ANO6: variants seen among roughly 807,000 people sequenced by gnomAD.
ANO6 encodes the protein anoctamin 6.
Under a neutral mutation model 117.5 loss-of-function variants are expected in ANO6, and 106 were observed. That is an observed-to-expected ratio of 0.90 (90% CI 0.77 to 1.06). The LOEUF (loss-of-function observed/expected upper bound fraction) is 1.06. Among genes scored for constraint, ANO6 ranks in the 50% least tolerant of loss-of-function variants. ANO6 has a pLI of 0.00. For synonymous variants in ANO6, 367 were observed against 385.1 expected (o/e 0.95, Z 0.55); for missense variants, 955 against 1,121.1 (o/e 0.85, Z 2.12).
intron 1 of ANO6, among the ~76,000 whole-genome samples, chr12:45,259,736 G>C (rs922000307): frequency 2.0e-5 from 3 of 152,182 alleles, no homozygotes; most frequent in Non-Finnish European, 4.4e-5. Flanking sequence ...AAACATGATG[G>C]GGTTGAAAGA....
At chr12:45,397,818 T>C (rs757430580) in intron 12 of ANO6, among the ~76,000 whole-genome samples, 5 of 152,046 alleles carry the variant, frequency 3.3e-5, no homozygotes, top group Non-Finnish European at 5.9e-5. Context: ...GAACATCACA[T>C]AGTGGGGCCT....
rs1444626455 is a variant in ANO6, at chr12:45,223,735, G to A, written c.70+7344G>A. ...GATCATGCAAAATATCTTAAATATT[G>A]TACATATTCCATTGCTATAATTTTT... is the stretch of plus-strand genomic sequence containing the variant. On this transcript the variant is annotated intron_variant, in intron 1 of 19. Transcript: ENST00000320560. Among the ~76,000 whole-genome samples the A allele has an allele frequency of 3.3e-5, 5 of 152,092 alleles. No individual in the cohort carries two copies. In the East Asian group the frequency reaches 9.7e-4, roughly 29 times the overall value.
intron 12 of ANO6, among the ~76,000 whole-genome samples, chr12:45,400,311 C>T (rs1176362785): frequency 6.6e-6 from 1 of 152,044 alleles, no homozygotes; most frequent in Non-Finnish European, 1.5e-5. Flanking sequence ...ACATAATAAA[C>T]ACCCTGTATG....
chr12:45,222,248 C>T (rs866678547), intron 1 of ANO6, among the ~76,000 whole-genome samples: 4 of 152,078 alleles, frequency 2.6e-5, no homozygotes, highest in Non-Finnish European at 4.4e-5. Flanking sequence ...GCAACCTCCG[C>T]CTCCCGGGTT....
intron 1 of ANO6, among the ~76,000 whole-genome samples, chr12:45,247,456 A>G (rs1163515600): frequency 6.6e-6 from 1 of 152,200 alleles, no homozygotes; most frequent in African/African-American, 2.4e-5. Flanking sequence ...TAATTTGCCT[A>G]ATGTTATGTA....
chr12:45,419,819 A>G (rs1943311311), intron 17 of ANO6, among the ~76,000 whole-genome samples: 2 of 152,152 alleles, frequency 1.3e-5, no homozygotes, highest in Non-Finnish European at 2.9e-5. Flanking sequence ...GAAAATTCAT[A>G]TAATTCAGAA....
chr12:45,219,849 A>C (rs565908856), intron 1 of ANO6, among the ~76,000 whole-genome samples: 11 of 152,346 alleles, frequency 7.2e-5, no homozygotes, highest in Non-Finnish European at 1.2e-4. Flanking sequence ...AGCAGAGCCA[A>C]CAACCAACCA....
At chr12:45,371,159 A>G (rs1941820684) in intron 9 of ANO6, among the ~76,000 whole-genome samples, 2 of 152,214 alleles carry the variant, frequency 1.3e-5, no homozygotes, top group Non-Finnish European at 2.9e-5. Flanking sequence ...TGACGGGCTT[A>G]AAAAACGGCG....
intron 2 of ANO6, among the ~76,000 whole-genome samples, chr12:45,312,748 A>T (rs1461679211): frequency 6.6e-6 from 1 of 151,946 alleles, no homozygotes; most frequent in Non-Finnish European, 1.5e-5. Flanking sequence ...CTCCCAAGTC[A>T]CTCTTTGAAA....
In ANO6 at chr12:45,291,192, G is replaced by GAAT. The variant is rs569178108; in HGVS notation, c.71-10819_71-10817dup. 2.2e-3 allele frequency among the ~76,000 whole-genome samples: 337 copies of GAAT among 151,826 alleles called. 10 individuals carry two copies. The South Asian group carries it at 0.048, about 22-fold the overall frequency. ...CTAAATTCATGAAGAAAACATAAGG[G>GAAT]AATAACTGTTGGGCATGGTGGTGCA... On this transcript the variant is annotated intron_variant, in intron 1 of 19. Coordinates refer to ENST00000320560, the MANE Select transcript of ANO6 (RefSeq NM_001025356.3).
intron 1 of ANO6, among the ~76,000 whole-genome samples, chr12:45,238,452 A>T (rs1267087898): frequency 6.6e-6 from 1 of 151,778 alleles, no homozygotes; most frequent in East Asian, 2.0e-4. Flanking sequence ...TGCTTGGCTG[A>T]TGGTAGGGTT....
intron 2 of ANO6, among the ~76,000 whole-genome samples, chr12:45,304,260 A>G (rs1939592643): frequency 6.6e-6 from 1 of 152,206 alleles, no homozygotes; most frequent in South Asian, 2.1e-4. Flanking sequence ...CAAGCATTAT[A>G]TTTAAGCTCA....
At chr12:45,434,135 A>G (rs1449527108), downstream of ANO6, among the ~76,000 whole-genome samples, 1 of 152,156 alleles carries the variant, frequency 6.6e-6, no homozygotes, top group Admixed American at 6.5e-5. Context: ...CTTGGCCATA[A>G]TCAAACCTAG....
At chr12:45,331,248 T>G in intron 2 of ANO6, 47 bp from the exon 3 acceptor site, 1 of 1,532,700 alleles carries the variant, frequency 6.5e-7, no homozygotes. Context: ...AAGTCAGCAT[T>G]TTTTCAAAAA....
chr12:45,259,659 T>G (rs1314363755), intron 1 of ANO6, among the ~76,000 whole-genome samples: 2 of 152,224 alleles, frequency 1.3e-5, no homozygotes, highest in African/African-American at 4.8e-5. Flanking sequence ...TCCTGCCTCT[T>G]TATTTGCTCC....
At chr12:45,358,135 A>G (rs1941460882) in intron 8 of ANO6, among the ~76,000 whole-genome samples, 1 of 152,194 alleles carries the variant, frequency 6.6e-6, no homozygotes. Flanking sequence ...TTTTCTCTTG[A>G]TATCTGGCTG....
At chr12:45,276,421 G>A (rs1032508957) in intron 1 of ANO6, among the ~76,000 whole-genome samples, 4 of 152,066 alleles carry the variant, frequency 2.6e-5, no homozygotes, top group South Asian at 4.2e-4. Context: ...CAGTCACACC[G>A]ATCTTTGATC....
Position 45,402,025 on chromosome 12 carries a change from G to T in ANO6, c.1612+5G>T. 6.2e-7 allele frequency: 1 copy of T among 1,609,644 alleles called. No individual in the cohort carries two copies. On this transcript the variant is annotated splice_donor_5th_base_variant and intron_variant, in intron 13 of 19. Coordinates refer to ENST00000320560, the MANE Select transcript of ANO6 (RefSeq NM_001025356.3). ...CAATTATGATTACTAACTTCGGTAA[G>T]GTCCTACTATAGCTTAGGTAACTTC... is the stretch of plus-strand genomic sequence containing the variant.
intron 10 of ANO6, among the ~76,000 whole-genome samples, chr12:45,379,622 A>G: frequency 6.6e-6 from 1 of 152,374 alleles, no homozygotes; most frequent in Middle Eastern, 3.4e-3. Context: ...AATGTATAAC[A>G]TTCTAACACA....
Sources: allele counts gnomAD v4.1 joint callset (sites outside exome capture counted in the v4.1 genomes callset), GRCh38; gene constraint gnomAD v4.1.1; transcripts MANE v1.5; gene names NCBI Gene and HGNC (gene_info 2026-07-23, HGNC 2026-07-21).